The following TMEM260 variants were observed in gnomAD, a reference collection of about 807,000 sequenced individuals.
The protein encoded by TMEM260 is protein O-mannosyl-transferase TMEM260.
Under a neutral mutation model 88.9 loss-of-function variants are expected in TMEM260, and 82 were observed. The observed-to-expected ratio is 0.92, with a 90% CI of 0.77 to 1.11. TMEM260 has a LOEUF of 1.11. TMEM260 is among the 50% of genes least tolerant of loss of function. The probability of loss-of-function intolerance (pLI) is 0.00; values close to 1 mark genes in which losing one functional copy is unlikely to be tolerated. For synonymous variants in TMEM260, 314 were observed against 309.3 expected (o/e 1.02, Z -0.16); for missense variants, 902 against 853.4 (o/e 1.06, Z -0.71).
Position 56,609,225 on chromosome 14 carries a change from G to C in TMEM260, c.756G>C (p.Gln252His). ...LNHARWTWGDQTTLQGFLTHF... is the reference protein window; with the variant it reads ...LNHARWTWGDHTTLQGFLTHF... ...ACGCCCGGTGGACCTGGGGAGACCA[G>C]ACAACACTGCAAGGATTTTTGACAC... is the stretch of plus-strand genomic sequence containing the variant. Residue 252 changes from glutamine (Q) to histidine (H), a missense_variant, in exon 6 of 16, where the codon CAG becomes CAC. Physicochemically the swap from Gln to His is conservative, Grantham distance 24 (BLOSUM62 0). Transcript: ENST00000261556. 1 of 1,614,094 alleles carries C rather than the reference G, an allele frequency of 6.2e-7. No homozygotes were observed. Among genetic ancestry groups the C allele is most frequent in the Non-Finnish European group, 8.5e-7 (1 of 1,180,024 alleles).
intron 14 of TMEM260, among the ~76,000 whole-genome samples, chr14:56,635,260 A>ACACT (rs1240566515): frequency 1.3e-5 from 2 of 152,224 alleles, no homozygotes; most frequent in African/African-American, 4.8e-5. Context: ...TGCCTCTGGA[A>ACACT]CACTCATCTA....
At chr14:56,623,162 A>T (rs776751718) in intron 11 of TMEM260, among the ~76,000 whole-genome samples, 45 of 152,216 alleles carry the variant, frequency 3.0e-4, no homozygotes, top group Non-Finnish European at 5.7e-4. Context: ...GTTAGGGTGC[A>T]TTTGAATGCA....
At chr14:56,587,079 A>C (rs1885552817) in intron 3 of TMEM260, among the ~76,000 whole-genome samples, 1 of 151,840 alleles carries the variant, frequency 6.6e-6, no homozygotes, top group Non-Finnish European at 1.5e-5. Context: ...AGTCTTTTGT[A>C]ATTAATAATC....
At chr14:56,603,415 A>G (rs577252845) in intron 3 of TMEM260, among the ~76,000 whole-genome samples, 24 of 152,222 alleles carry the variant, frequency 1.6e-4, no homozygotes, top group Admixed American at 9.8e-4. Context: ...CTGAATAAAT[A>G]TTTTTTCATT....
chr14:56,658,483 G>T, the TMEM260 span, among the ~76,000 whole-genome samples: 1 of 151,580 alleles, frequency 6.6e-6, no homozygotes, highest in East Asian at 2.0e-4. Context: ...CTGACCACTC[G>T]CCTCAGCCTC....
intron 2 of TMEM260, 67 bp from the exon 3 acceptor site, chr14:56,585,694 A>C (rs1385795807): frequency 6.7e-7 from 1 of 1,499,868 alleles, no homozygotes; most frequent in African/African-American, 1.4e-5. Flanking sequence ...CTACTTTTCA[A>C]TTAAGGCCTG....
At chr14:56,633,209 A>G in intron 13 of TMEM260, 38 bp downstream of exon 13, 2 of 1,523,772 alleles carry the variant, frequency 1.3e-6, no homozygotes, top group South Asian at 2.5e-5. Flanking sequence ...ATATAAACAT[A>G]GCAGTTTTGA....
chr14:56,621,348 A>G (rs1000499959), intron 10 of TMEM260, among the ~76,000 whole-genome samples, 183 bp from the exon 11 acceptor site: 3 of 152,162 alleles, frequency 2.0e-5, no homozygotes, highest in Non-Finnish European at 2.9e-5. Context: ...TCAATTGCAC[A>G]ATTAGCTGCT....
At chr14:56,615,428 C>G (rs1485046390) in intron 7 of TMEM260, 1 of 151,630 alleles carries the variant, frequency 6.6e-6, no homozygotes, top group Non-Finnish European at 1.5e-5. Context: ...TGAACCAAAA[C>G]AAATAATATA....
chr14:56,595,522 C>G (rs1174234958), intron 3 of TMEM260, among the ~76,000 whole-genome samples: 1 of 152,138 alleles, frequency 6.6e-6, no homozygotes, highest in Non-Finnish European at 1.5e-5. Flanking sequence ...CTCTGTCACC[C>G]AGGCCAGAGT....
intron 12 of TMEM260, among the ~76,000 whole-genome samples, chr14:56,631,628 A>AAAC (rs766145813): frequency 6.2e-5 from 8 of 129,226 alleles, no homozygotes; most frequent in South Asian, 2.6e-4. Flanking sequence ...GTCTCAAAAA[A>AAAC]AAAAAAAAAA....
At position 56,579,889 on chromosome 14, in the gene TMEM260, C is replaced by T. The variant is rs1223848850; in HGVS notation, c.-26C>T. ...CACCGGGTTCTTGGGCTGGCCGTGT[C>T]CTTCTCCCTCGGTCGCCACTGGCCC... On this transcript the variant is annotated 5_prime_UTR_variant, in exon 1 of 16. Coordinates refer to ENST00000261556, the MANE Select transcript of TMEM260 (RefSeq NM_017799.4). 28 of 1,232,070 alleles carry T rather than the reference C, an allele frequency of 2.3e-5. No individual in the cohort carries two copies. The highest frequency in any genetic ancestry group is 3.1e-5 in the African/African-American group (2 of 64,422). The allele number at this position is 1,232,070 out of a possible 1,614,324, so 76.3% of individuals were successfully genotyped here.
chr14:56,634,797 G>A (rs898656950), intron 13 of TMEM260, 102 bp from the exon 14 acceptor site: 15 of 984,954 alleles, frequency 1.5e-5, no homozygotes, highest in South Asian at 1.1e-4. Flanking sequence ...AGCCAAGATC[G>A]CACCATTGCA....
At chr14:56,646,690 A>G (rs543537400) in intron 15 of TMEM260, among the ~76,000 whole-genome samples, 3 of 152,328 alleles carry the variant, frequency 2.0e-5, no homozygotes, top group African/African-American at 7.2e-5. Context: ...CTTAAATTCT[A>G]TCACACCCAG....
rs759190293 is a variant in TMEM260 at position 56,621,531 on chromosome 14, T to C, written c.1227T>C (p.Ser409=). ...FVVYQIYSNY[S]VCDQRTNYVI... ...AATTTTTTTGGATCCTTTTATTTAG[T>C]GTTTGTGACCAAAGGACCAACTATG... The change falls in exon 11 of 16, where the codon AGT becomes AGC. Residue 409 remains serine (S), a splice_region_variant and synonymous_variant. Coordinates refer to ENST00000261556, the MANE Select transcript of TMEM260 (RefSeq NM_017799.4). The C allele has an allele frequency of 5.0e-6, 8 of 1,600,690 alleles. No homozygotes were observed. In the East Asian group the frequency reaches 6.7e-5, roughly 13 times the overall value.
chr14:56,651,707 A>G (rs1890209946), downstream of TMEM260, among the ~76,000 whole-genome samples: 2 of 152,254 alleles, frequency 1.3e-5, no homozygotes, highest in African/African-American at 2.4e-5. Context: ...CTTCTGGTAC[A>G]TAGTTGCCAT....
intron 3 of TMEM260, among the ~76,000 whole-genome samples, chr14:56,589,319 A>G (rs1450433728): frequency 2.0e-5 from 3 of 152,120 alleles, no homozygotes; most frequent in South Asian, 2.1e-4. Context: ...GAGTCAGCCT[A>G]TCCTTTTCAA....
chr14:56,614,265 A>G (rs1221502989), intron 7 of TMEM260, among the ~76,000 whole-genome samples: 3 of 149,512 alleles, frequency 2.0e-5, no homozygotes, highest in African/African-American at 7.4e-5. Flanking sequence ...CTGTAGTTGC[A>G]GCTACTCAGG....
Position 56,617,251 on chromosome 14 carries a change from C to G in TMEM260, c.1010C>G (p.Ala337Gly). 1 of 1,603,132 alleles carries G rather than the reference C, an allele frequency of 6.2e-7. No individual in the cohort carries two copies. Among genetic ancestry groups the G allele is most frequent in the South Asian group, 1.1e-5 (1 of 88,722 alleles). ...GMFCIYSLFF[A>G]WRANLDISKP... ...TTTTGCATTTATTCATTGTTCTTTG[C>G]TTGGAGAGCAAATTTAGATATTTCA... The change falls in exon 9 of 16, where the codon GCT becomes GGT. Residue 337 changes from alanine (A) to glycine (G), a missense_variant. Physicochemically the swap from Ala to Gly is moderately conservative, Grantham distance 60. Transcript: ENST00000261556.
Sources: gnomAD v4.1 joint callset for allele counts (sites outside exome capture counted in the v4.1 genomes callset) on GRCh38, gnomAD v4.1.1 for gene constraint, MANE v1.5 for transcripts, NCBI Gene and HGNC (gene_info 2026-07-23, HGNC 2026-07-21) for gene names.